The following DLGAP2 variants were observed in gnomAD, a reference collection of about 807,000 sequenced individuals.
DLGAP2 encodes the protein DLG associated protein 2, also known as disks large-associated protein 2.
DLGAP2 carries 26 observed loss-of-function variants against 100.3 expected under a neutral mutation model. The ratio of observed to expected loss-of-function variants is 0.26; its 90% CI spans 0.19 to 0.36. The LOEUF (loss-of-function observed/expected upper bound fraction) is 0.36, where lower values mean the gene tolerates loss of function less well. Among genes scored for constraint, DLGAP2 ranks in the 10% least tolerant of loss-of-function variants. The probability of loss-of-function intolerance (pLI) is 1.00; values close to 1 mark genes in which losing one functional copy is unlikely to be tolerated. For synonymous variants in DLGAP2, 886 were observed against 630.1 expected (o/e 1.41, Z -6.08); for missense variants, 1,858 against 1,453.2 (o/e 1.28, Z -4.53).
At chr8:1,457,997 TA>T (rs1395387648) in intron 3 of DLGAP2, among the ~76,000 whole-genome samples, 1 of 137,972 alleles carries the variant, frequency 7.2e-6, no homozygotes, top group Non-Finnish European at 1.5e-5. Flanking sequence ...TATATATATA[TA>T]TATATATATA....
chr8:1,592,724 C>G (rs951580878), intron 6 of DLGAP2, among the ~76,000 whole-genome samples: 6 of 152,094 alleles, frequency 3.9e-5, no homozygotes, highest in African/African-American at 1.2e-4. Flanking sequence ...TGTGTTTTCT[C>G]TACTTCCTGA....
Position 1,626,756 on chromosome 8 carries a change from G to T in DLGAP2, c.1459G>T (p.Ala487Ser). Residue 487 changes from alanine to serine, a missense_variant, in exon 7 of 15, where the codon GCT (alanine) becomes TCT (serine). Physicochemically the swap from Ala to Ser is moderately conservative, Grantham distance 99. Transcript: ENST00000637795. ...GEHQTQTYLQAASDVPVGHSL... is the reference protein window; with the variant it reads ...GEHQTQTYLQSASDVPVGHSL... ...TTCCTGTAGCCAGACCTACCTGCAA[G>T]CTGCAAGCGATGTGCCTGTGGGACA... 6.2e-7 allele frequency: 1 copy of T among 1,603,314 alleles called. No homozygotes were observed. Among genetic ancestry groups the T allele is most frequent in the Non-Finnish European group, 8.5e-7 (1 of 1,175,298 alleles).
At chr8:1,498,509 A>T (rs1233024104) in intron 3 of DLGAP2, among the ~76,000 whole-genome samples, 2 of 152,072 alleles carry the variant, frequency 1.3e-5, no homozygotes, top group African/African-American at 4.8e-5. Flanking sequence ...CTCTAATGAG[A>T]CTCCGTGGTT....
intron 3 of DLGAP2, among the ~76,000 whole-genome samples, chr8:1,353,734 A>G (rs962520278): frequency 3.3e-5 from 5 of 152,244 alleles, no homozygotes; most frequent in Admixed American, 3.3e-4. Context: ...ACTTAACGTA[A>G]GATTCAAATT....
chr8:1,371,736 A>T (rs1802242615), intron 3 of DLGAP2, among the ~76,000 whole-genome samples: 1 of 152,192 alleles, frequency 6.6e-6, no homozygotes, highest in African/African-American at 2.4e-5. Flanking sequence ...CTTTTAGCTC[A>T]CATGTCATCG....
At chr8:1,336,526 A>G (rs1197160096) in intron 3 of DLGAP2, among the ~76,000 whole-genome samples, 1 of 152,208 alleles carries the variant, frequency 6.6e-6, no homozygotes, top group Non-Finnish European at 1.5e-5. Flanking sequence ...CTGTGCCGGA[A>G]GCCTTTCCCA....
At chr8:845,765 T>C (rs1797060882) in intron 1 of DLGAP2, among the ~76,000 whole-genome samples, 1 of 152,262 alleles carries the variant, frequency 6.6e-6, no homozygotes, top group Admixed American at 6.5e-5. Flanking sequence ...TATGCTGTTT[T>C]CTTTTAAGAG....
chr8:1,617,747 C>A (rs1252707248), intron 6 of DLGAP2, among the ~76,000 whole-genome samples: 1 of 152,220 alleles, frequency 6.6e-6, no homozygotes, highest in South Asian at 2.1e-4. Context: ...TAATGGACAG[C>A]GCACCTCTAG....
At chr8:1,360,160 A>C (rs1192093451) in intron 3 of DLGAP2, among the ~76,000 whole-genome samples, 3 of 148,088 alleles carry the variant, frequency 2.0e-5, no homozygotes, top group Admixed American at 1.3e-4. Flanking sequence ...GTGCAGGTGC[A>C]TAAGGGTTAG....
chr8:866,613 C>T lies in DLGAP2; in HGVS notation c.19-41299C>T, dbSNP rs183144686. Among the ~76,000 whole-genome samples, 299 of 152,258 alleles carry T rather than the reference C, an allele frequency of 2.0e-3. 1 individual carries two copies. Among genetic ancestry groups the T allele is most frequent in the Non-Finnish European group, 3.3e-3 (225 of 68,028 alleles). The stretch of plus-strand genomic sequence containing the variant: ...GTCTCTGTGGGGCTGGAGAGTTGGC[C>T]TTGGTCCATGTGGCCATCGGGAAGC... On this transcript the variant is annotated intron_variant, in intron 1 of 14. Transcript: ENST00000637795.
At chr8:1,618,879 G>C (rs1164437208) in intron 6 of DLGAP2, among the ~76,000 whole-genome samples, 1 of 152,132 alleles carries the variant, frequency 6.6e-6, no homozygotes, top group Non-Finnish European at 1.5e-5. Flanking sequence ...GTAGACACGA[G>C]TAGCACCCTC....
intron 2 of DLGAP2, among the ~76,000 whole-genome samples, chr8:956,490 C>T (rs980639339): frequency 1.3e-5 from 2 of 152,142 alleles, no homozygotes; most frequent in African/African-American, 4.8e-5. Flanking sequence ...TCTGTCCACC[C>T]GCTGGTTCCT....
chr8:752,795 T>C (rs980818033), intron 1 of DLGAP2, among the ~76,000 whole-genome samples: 4 of 152,100 alleles, frequency 2.6e-5, no homozygotes, highest in Non-Finnish European at 5.9e-5. Context: ...GAGACCTTCA[T>C]GATACTGTCG....
intron 3 of DLGAP2, among the ~76,000 whole-genome samples, chr8:1,479,900 T>A (rs949608863): frequency 6.6e-6 from 1 of 152,202 alleles, no homozygotes; most frequent in African/African-American, 2.4e-5. Context: ...GTGGGATTCA[T>A]TGTGAAAGTA....
In DLGAP2 at chr8:1,501,456, T is replaced by C. The variant is rs1229336348; in HGVS notation, c.172+25T>C. 2.0e-6 allele frequency: 3 copies of C among 1,534,820 alleles called. No homozygotes were observed. The African/African-American group carries it at 4.1e-5, about 21-fold the overall frequency. ...GGTAGAGTACAGACGTCAGCCCCGC[T>C]CTGGCGGGGCCCGGACAGAACCGGG... On this transcript the variant is annotated intron_variant, in intron 4 of 14. Coordinates refer to ENST00000637795, the MANE Select transcript of DLGAP2 (RefSeq NM_001346810.2).
chr8:1,017,725 A>T (rs1212393245), intron 2 of DLGAP2, among the ~76,000 whole-genome samples: 33 of 152,068 alleles, frequency 2.2e-4, no homozygotes. Context: ...TAGAAGCAGG[A>T]CGGGGACTGA....
intron 1 of DLGAP2, among the ~76,000 whole-genome samples, chr8:776,072 G>A (rs1404067635): frequency 6.6e-6 from 1 of 151,934 alleles, no homozygotes; most frequent in Non-Finnish European, 1.5e-5. Flanking sequence ...TCCTGGTTTA[G>A]TCTTGGGAGA....
chr8:1,594,460 G>A (rs1796386403), intron 6 of DLGAP2, among the ~76,000 whole-genome samples: 1 of 152,038 alleles, frequency 6.6e-6, no homozygotes, highest in South Asian at 2.1e-4. Flanking sequence ...AAATTTTACT[G>A]GAAAGATTCA....
rs530762715 is a variant in DLGAP2 at position 1,517,266 on chromosome 8, A to G, written c.172+15835A>G. ...AAGAAGTCAAGCCCTCTGTGGGGTCAGGAGCTTGGAAAAAGGACCCTGAAG... is the reference window on the plus strand; with the variant it reads ...AAGAAGTCAAGCCCTCTGTGGGGTCGGGAGCTTGGAAAAAGGACCCTGAAG... On this transcript the variant is annotated intron_variant, in intron 4 of 14. Transcript: ENST00000637795. Among the ~76,000 whole-genome samples, 5 of 152,284 alleles carry G rather than the reference A, an allele frequency of 3.3e-5. No homozygotes were observed. The South Asian group carries it at 1.0e-3, about 32-fold the overall frequency.
Sources: gnomAD v4.1 joint callset for allele counts (sites outside exome capture counted in the v4.1 genomes callset) on GRCh38, gnomAD v4.1.1 for gene constraint, MANE v1.5 for transcripts, NCBI Gene and HGNC (gene_info 2026-07-23, HGNC 2026-07-21) for gene names.